EML1: variants seen among roughly 807,000 people sequenced by gnomAD.
The protein encoded by EML1 is echinoderm microtubule-associated protein-like 1.
In EML1, 27 loss-of-function variants were observed where a neutral mutation model predicts 110.4. That is an observed-to-expected ratio of 0.24 (90% CI 0.18 to 0.34). EML1 has a LOEUF of 0.34. Ranked by LOEUF, EML1 falls within the 10% of genes least tolerant of loss-of-function variation. The pLI is 1.00. For synonymous variants in EML1, 344 were observed against 385.8 expected (o/e 0.89, Z 1.27); for missense variants, 741 against 1,030.9 (o/e 0.72, Z 3.85).
chr14:99,801,002 G>A (rs868695798), intron 1 of EML1, among the ~76,000 whole-genome samples: 1 of 152,224 alleles, frequency 6.6e-6, no homozygotes, highest in Non-Finnish European at 1.5e-5. Context: ...GGGAAGCAGA[G>A]GTGACTGGCC....
intron 17 of EML1, among the ~76,000 whole-genome samples, chr14:99,922,563 A>G (rs1024062711): frequency 6.6e-6 from 1 of 152,328 alleles, no homozygotes. Context: ...TATGTTTAAC[A>G]TTTTATGAAA....
At chr14:99,805,782 C>T (rs1033247620) in intron 1 of EML1, among the ~76,000 whole-genome samples, 5 of 151,926 alleles carry the variant, frequency 3.3e-5, no homozygotes, top group South Asian at 2.1e-4. Context: ...AGCCCTAGAA[C>T]CCTTTTTTTT....
chr14:99,930,053 C>T (rs1286760041), intron 17 of EML1, among the ~76,000 whole-genome samples: 2 of 152,134 alleles, frequency 1.3e-5, no homozygotes, highest in South Asian at 2.1e-4. Flanking sequence ...ATAAATGCCA[C>T]CTTCACACTC....
rs537700830 is a variant in EML1 at position 99,737,921 on chromosome 14, C to T, written c.28+61C>T. ...CGGTTGCAGAGCCAAGGCCGCCAGT[C>T]GCCGAGGGCACTGGGGCCCCCGCAG... On this transcript the variant is annotated intron_variant, in intron 1 of 10. Coordinates refer to the EML1 transcript ENST00000554479. 8.6e-6 allele frequency: 11 copies of T among 1,279,732 alleles called. No homozygotes were observed. In the East Asian group the frequency reaches 4.5e-4, roughly 53 times the overall value. The allele number at this position is 1,279,732 out of a possible 1,614,324, so 79.3% of individuals were successfully genotyped here. A position where few individuals can be genotyped will look rare whatever the true frequency, so the allele number is the denominator to read the frequency against.
upstream of EML1, among the ~76,000 whole-genome samples, chr14:99,793,171 C>T (rs2057699178): frequency 6.8e-6 from 1 of 147,480 alleles, no homozygotes; most frequent in African/African-American, 2.4e-5. Flanking sequence ...GCCGCCCGGG[C>T]CGCGCTCCCC....
At chr14:99,744,228 C>T (rs1000195676) in intron 1 of EML1, among the ~76,000 whole-genome samples, 5 of 152,240 alleles carry the variant, frequency 3.3e-5, no homozygotes, top group African/African-American at 1.2e-4. Context: ...ACACTTCTAC[C>T]TTATAAAAAG....
chr14:99,878,750 C>G (rs1944742240), intron 4 of EML1, 131 bp downstream of exon 4: 1 of 1,318,252 alleles, frequency 7.6e-7, no homozygotes, highest in Admixed American at 2.7e-5. Context: ...ACCTTCTCCT[C>G]AGGTATTTAT....
rs370042241 is a variant in EML1 at position 99,935,136 on chromosome 14, A to G, written c.1910-893A>G. ...CCAAGGAATTGAGTCTTCATCCTTC[A>G]GTGATTGGGACAGGGAGGGGCTTAT... is the stretch of plus-strand genomic sequence containing the variant. On this transcript the variant is annotated intron_variant, in intron 17 of 21. Transcript: ENST00000262233. Among the ~76,000 whole-genome samples, 78 of 152,306 alleles carry G rather than the reference A, an allele frequency of 5.1e-4. 1 individual carries two copies. The South Asian group carries it at 0.016, about 32-fold the overall frequency.
At chr14:99,823,077 C>T (rs1042430738) in intron 1 of EML1, among the ~76,000 whole-genome samples, 1 of 152,176 alleles carries the variant, frequency 6.6e-6, no homozygotes, top group Admixed American at 6.5e-5. Context: ...GGGAAGAAGA[C>T]CCAGCCCCCT....
rs201016536 is a variant in EML1, at chr14:99,902,955, G to GA, written c.1008+1923dup. On this transcript the variant is annotated intron_variant, in intron 9 of 21. Transcript: ENST00000262233. The stretch of plus-strand genomic sequence containing the variant: ...TTAAAGGAAAGCATGCCATTCCTGT[G>GA]AAAAAAATAACCAGTTTCTCCAGTT... Among the ~76,000 whole-genome samples the GA allele has an allele frequency of 8.5e-3, 1,300 of 152,116 alleles. 12 individuals are homozygous for GA. Among genetic ancestry groups the GA allele is most frequent in the African/African-American group, 0.03 (1,235 of 41,516 alleles).
chr14:99,917,934 G>A lies in EML1; in HGVS notation c.1820+85G>A, dbSNP rs562672920. ...TCTATTTCCCCAGGAACAGGCCCCC[G>A]TTCAGCTCTTGGCTACATGTTCGAA... On this transcript the variant is annotated intron_variant, in intron 16 of 21. Transcript: ENST00000262233. The A allele has an allele frequency of 4.4e-5, 61 of 1,387,098 alleles. 2 individuals are homozygous for A. In the South Asian group the frequency reaches 5.0e-4, roughly 11 times the overall value. 85.9% of individuals were successfully genotyped at this position (1,387,098 alleles called of 1,614,324 possible). A position where few individuals can be genotyped will look rare whatever the true frequency, so the allele number is the denominator to read the frequency against.
chr14:99,886,111 G>A (rs1327997260), intron 4 of EML1: 1 of 262,200 alleles, frequency 3.8e-6, no homozygotes. Context: ...GACAATTTTT[G>A]TAGAGTCATT....
At chr14:99,747,362 T>A (rs1169364819) in intron 1 of EML1, among the ~76,000 whole-genome samples, 1 of 151,220 alleles carries the variant, frequency 6.6e-6, no homozygotes, top group Non-Finnish European at 1.5e-5. Flanking sequence ...AGGCCCGGGG[T>A]GGCACAGATC....
intron 3 of EML1, among the ~76,000 whole-genome samples, chr14:99,874,651 CT>C (rs1487969030): frequency 8.5e-5 from 13 of 152,082 alleles, no homozygotes; most frequent in African/African-American, 3.1e-4. Flanking sequence ...CATAAGAGCC[CT>C]TGGTTCTCAA....
In EML1 at chr14:99,940,153, A is replaced by G; in HGVS notation, c.*41A>G. 6.8e-7 allele frequency: 1 copy of G among 1,466,200 alleles called. No homozygotes were observed. The highest frequency in any genetic ancestry group is 9.0e-7 in the Non-Finnish European group (1 of 1,105,722). 90.8% of individuals were successfully genotyped at this position (1,466,200 alleles called of 1,614,324 possible). On this transcript the variant is annotated 3_prime_UTR_variant, in exon 22 of 22. Coordinates refer to ENST00000262233, the MANE Select transcript of EML1 (RefSeq NM_004434.3). ...GTGGGGAGCAGCATGGGCAAGGAAG[A>G]CACAGACTCGCATTACCCTTGGTCA...
At chr14:99,858,841 C>G (rs763643222) in intron 2 of EML1, among the ~76,000 whole-genome samples, 8 of 152,166 alleles carry the variant, frequency 5.3e-5, no homozygotes, top group Non-Finnish European at 8.8e-5. Flanking sequence ...ATTAGGAATT[C>G]TAGCTTCATA....
At chr14:99,884,660 G>A (rs1316989196) in intron 4 of EML1, among the ~76,000 whole-genome samples, 3 of 152,168 alleles carry the variant, frequency 2.0e-5, no homozygotes, top group Admixed American at 2.0e-4. Context: ...AAGACATGCC[G>A]ATCTAAGTAA....
intron 3 of EML1, among the ~76,000 whole-genome samples, chr14:99,867,219 G>A (rs1323491804): frequency 1.3e-5 from 2 of 152,120 alleles, no homozygotes; most frequent in Non-Finnish European, 2.9e-5. Context: ...CTACCATCTT[G>A]ATTACTATTG....
intron 1 of EML1, chr14:99,850,412 G>A (rs2058776500): frequency 1.7e-6 from 2 of 1,200,648 alleles, no homozygotes; most frequent in Non-Finnish European, 2.2e-6. Context: ...CTTGACCGAT[G>A]GATAGGGTGG....
Sources: allele counts gnomAD v4.1 joint callset (sites outside exome capture counted in the v4.1 genomes callset), GRCh38; gene constraint gnomAD v4.1.1; transcripts MANE v1.5; gene names NCBI Gene and HGNC (gene_info 2026-07-23, HGNC 2026-07-21).